CTNND2: variants seen among roughly 807,000 people sequenced by gnomAD.
CTNND2 encodes catenin delta-2.
Under a neutral mutation model 144.4 loss-of-function variants are expected in CTNND2, and 22 were observed. That is an observed-to-expected ratio of 0.15 (90% CI 0.11 to 0.22). CTNND2 has a LOEUF of 0.22. CTNND2 is among the 10% of genes least tolerant of loss of function. CTNND2 has a pLI of 1.00. For synonymous variants in CTNND2, 751 were observed against 695.6 expected (o/e 1.08, Z -1.25); for missense variants, 1,353 against 1,618.8 (o/e 0.84, Z 2.82).
intron 9 of CTNND2, among the ~76,000 whole-genome samples, chr5:11,306,740 G>A (rs139509393): frequency 6.6e-6 from 1 of 152,312 alleles, no homozygotes; most frequent in East Asian, 1.9e-4. Context: ...CTTTCACCAT[G>A]TTGTTGAGTC....
At chr5:11,432,128 T>TA (rs1561384417) in intron 3 of CTNND2, among the ~76,000 whole-genome samples, 21 of 150,470 alleles carry the variant, frequency 1.4e-4, no homozygotes, top group Admixed American at 4.0e-4. Context: ...AGGCTTTTTT[T>TA]TTTTTTTTTT....
At chr5:11,439,351 G>A (rs1231882739) in intron 3 of CTNND2, among the ~76,000 whole-genome samples, 5 of 152,166 alleles carry the variant, frequency 3.3e-5, no homozygotes, top group Admixed American at 2.0e-4. Context: ...TGGCTGCAGA[G>A]GGTGGATCTT....
chr5:11,729,502 A>AT (rs376108618), intron 2 of CTNND2, among the ~76,000 whole-genome samples: 3 of 152,132 alleles, frequency 2.0e-5, no homozygotes, highest in Non-Finnish European at 2.9e-5. Flanking sequence ...ATTCTCATGG[A>AT]TTTTTTCCCC....
rs916102617 is a variant in CTNND2 at position 10,972,065 on chromosome 5, A to C, written c.*1388T>G. 1 of 152,674 alleles carries C rather than the reference A, an allele frequency of 6.5e-6. No individual in the cohort carries two copies. Among genetic ancestry groups the C allele is most frequent in the African/African-American group, 2.4e-5 (1 of 41,466 alleles). 9.5% of individuals were successfully genotyped at this position (152,674 alleles called of 1,614,324 possible). On this transcript the variant is annotated 3_prime_UTR_variant, in exon 22 of 22. Transcript: ENST00000304623. ...GTTGTGTACTGCTCCCTGCCACATG[A>C]ACAAAAAGTTTGGGGGAATAAGGCG... is the stretch of plus-strand genomic sequence containing the variant.
chr5:11,397,391 AT>A lies in CTNND2; in HGVS notation c.440-189del, dbSNP rs67303549. Among the ~76,000 whole-genome samples, 44,035 of 149,340 alleles carry A rather than the reference AT, an allele frequency of 0.29. 11,298 individuals carry two copies. The highest frequency in any genetic ancestry group is 0.7 in the African/African-American group (28,814 of 41,050). On this transcript the variant is annotated intron_variant, in intron 5 of 21. Coordinates refer to ENST00000304623, the MANE Select transcript of CTNND2 (RefSeq NM_001332.4). ...TCTCAGATGAGATTTTTTATTTTTT[AT>A]TTTTTTTTTGGTGGTGGTTTAAAAG...
At chr5:11,519,201 A>G (rs958699157) in intron 3 of CTNND2, among the ~76,000 whole-genome samples, 18 of 152,226 alleles carry the variant, frequency 1.2e-4, no homozygotes, top group Non-Finnish European at 2.9e-5. Context: ...TAGACTATAC[A>G]CTTGATCATT....
intron 2 of CTNND2, among the ~76,000 whole-genome samples, chr5:11,601,384 T>A (rs896205762): frequency 2.0e-5 from 3 of 152,158 alleles, no homozygotes; most frequent in Non-Finnish European, 4.4e-5. Context: ...GTAAGAATTT[T>A]ATTTTTTTGT....
chr5:11,085,417 T>C (rs1252316404), intron 15 of CTNND2, among the ~76,000 whole-genome samples: 2 of 152,190 alleles, frequency 1.3e-5, no homozygotes, highest in Non-Finnish European at 2.9e-5. Context: ...GACCAATTTG[T>C]CCAGATTTAG....
intron 2 of CTNND2, among the ~76,000 whole-genome samples, chr5:11,675,451 C>T (rs937017780): frequency 2.6e-5 from 4 of 152,128 alleles, no homozygotes; most frequent in South Asian, 4.1e-4. Flanking sequence ...AGGCAACCAG[C>T]GCCCTCAGAG....
chr5:11,270,281 G>T (rs1364029132), intron 9 of CTNND2, among the ~76,000 whole-genome samples: 1 of 151,842 alleles, frequency 6.6e-6, no homozygotes, highest in Non-Finnish European at 1.5e-5. Context: ...TATAATATAT[G>T]TATAGTTATA....
chr5:11,460,512 T>C (rs1766103334), intron 3 of CTNND2, among the ~76,000 whole-genome samples: 2 of 152,232 alleles, frequency 1.3e-5, no homozygotes, highest in Admixed American at 1.3e-4. Context: ...TCTACTGTTC[T>C]CTACTATGCT....
At chr5:11,426,376 A>T (rs1412812295) in intron 3 of CTNND2, among the ~76,000 whole-genome samples, 1 of 152,196 alleles carries the variant, frequency 6.6e-6, no homozygotes, top group Non-Finnish European at 1.5e-5. Flanking sequence ...GTGCAGTTGC[A>T]CAGAGTCCCA....
chr5:11,623,808 GTA>G (rs58954001), intron 2 of CTNND2, among the ~76,000 whole-genome samples: 5,174 of 39,992 alleles, frequency 0.13, 119 homozygotes, highest in Non-Finnish European at 0.16. Context: ...ATGTGTGTAT[GTA>G]TATATATATA....
chr5:11,410,844 TG>T (rs1383725666), intron 5 of CTNND2, among the ~76,000 whole-genome samples: 1 of 152,024 alleles, frequency 6.6e-6, no homozygotes, highest in African/African-American at 2.4e-5. Context: ...CTACCAACAG[TG>T]ATCTCTATGA....
chr5:11,426,289 C>T (rs1762764646), intron 3 of CTNND2, among the ~76,000 whole-genome samples: 1 of 151,952 alleles, frequency 6.6e-6, no homozygotes, highest in Non-Finnish European at 1.5e-5. Flanking sequence ...AAGGAAGTCA[C>T]ATCTTATCAA....
chr5:11,233,159 T>C (rs1331074895), intron 10 of CTNND2, among the ~76,000 whole-genome samples: 2 of 152,150 alleles, frequency 1.3e-5, no homozygotes, highest in African/African-American at 2.4e-5. Flanking sequence ...AATGGACTAA[T>C]ACAGAGGGGA....
At chr5:11,735,103 C>T (rs539510654) in intron 1 of CTNND2, among the ~76,000 whole-genome samples, 1 of 152,218 alleles carries the variant, frequency 6.6e-6, no homozygotes, top group East Asian at 1.9e-4. Flanking sequence ...GAGTTAGAAT[C>T]AGATTAAATA....
chr5:11,052,524 T>G (rs1036344378), intron 16 of CTNND2, among the ~76,000 whole-genome samples: 1 of 152,164 alleles, frequency 6.6e-6, no homozygotes, highest in Non-Finnish European at 1.5e-5. Context: ...AAAAGACAGT[T>G]TGTGCCCTAA....
chr5:11,872,448 G>A (rs1416681595), intron 1 of CTNND2, among the ~76,000 whole-genome samples: 1 of 152,134 alleles, frequency 6.6e-6, no homozygotes, highest in Non-Finnish European at 1.5e-5. Context: ...AGATCCTTGA[G>A]GAATCGCCAT....
Sources: allele counts gnomAD v4.1 joint callset (sites outside exome capture counted in the v4.1 genomes callset), GRCh38; gene constraint gnomAD v4.1.1; transcripts MANE v1.5; gene names NCBI Gene and HGNC (gene_info 2026-07-23, HGNC 2026-07-21).